The following RPTOR variants were observed in gnomAD, a reference collection of about 807,000 sequenced individuals.
RPTOR encodes the protein regulatory-associated protein of mTOR.
RPTOR carries 21 observed loss-of-function variants against 169.9 expected under a neutral mutation model. That is an observed-to-expected ratio of 0.12 (90% CI 0.09 to 0.18). RPTOR has a LOEUF of 0.18. Among genes scored for constraint, RPTOR ranks in the 10% least tolerant of loss-of-function variants. The pLI is 1.00. For synonymous variants in RPTOR, 732 were observed against 753.2 expected, an observed-to-expected ratio of 0.97 and a Z score of 0.46; for missense variants, 1,133 against 1,855.9, an observed-to-expected ratio of 0.61 and a Z score of 7.16.
At chr17:80,592,496 G>C (rs1035081324) in intron 1 of RPTOR, among the ~76,000 whole-genome samples, 1 of 152,114 alleles carries the variant, frequency 6.6e-6, no homozygotes, top group Non-Finnish European at 1.5e-5. Flanking sequence ...GTGCATCTGG[G>C]AAGGGAACAG....
chr17:80,679,878 T>A (rs2065885420), intron 3 of RPTOR, among the ~76,000 whole-genome samples: 1 of 150,988 alleles, frequency 6.6e-6, no homozygotes. Context: ...GGTTAACAAT[T>A]CCACTCCCAG....
At chr17:80,763,659 A>G (rs2066757207) in intron 6 of RPTOR, among the ~76,000 whole-genome samples, 1 of 152,218 alleles carries the variant, frequency 6.6e-6, no homozygotes, top group Non-Finnish European at 1.5e-5. Flanking sequence ...CCAACAGGGA[A>G]TGTGGACATA....
intron 13 of RPTOR, among the ~76,000 whole-genome samples, chr17:80,869,890 A>C (rs2068033607): frequency 6.6e-6 from 1 of 152,222 alleles, no homozygotes; most frequent in Admixed American, 6.5e-5. Context: ...ATGGGACCAG[A>C]GCTCAAGAGC....
intron 28 of RPTOR, among the ~76,000 whole-genome samples, chr17:80,955,856 C>G (rs1021421140): frequency 6.6e-6 from 1 of 152,138 alleles, no homozygotes; most frequent in East Asian, 1.9e-4. Flanking sequence ...CTTCTCCACC[C>G]GCAAGGACAC....
chr17:80,555,363 C>G (rs1343082767), intron 1 of RPTOR, among the ~76,000 whole-genome samples: 1 of 152,150 alleles, frequency 6.6e-6, no homozygotes, highest in Non-Finnish European at 1.5e-5. Flanking sequence ...AGCCCTCCAT[C>G]AGGTCCTTCT....
chr17:80,620,459 A>T (rs2065346007), intron 1 of RPTOR, among the ~76,000 whole-genome samples: 1 of 152,212 alleles, frequency 6.6e-6, no homozygotes, highest in Admixed American at 6.5e-5. Context: ...TATAGCTAAG[A>T]ATTTAAAAAC....
Position 80,883,415 on chromosome 17 carries a change from C to T in RPTOR, c.1585-4C>T, listed in dbSNP as rs1197657247. On this transcript the variant is annotated splice_region_variant and splice_polypyrimidine_tract_variant and intron_variant, in intron 14 of 33. Coordinates refer to ENST00000306801, the MANE Select transcript of RPTOR (RefSeq NM_020761.3). ...GACGACCAGGACTGGTTTTTGTTTT[C>T]CAGGCTGAACACCGGACCATGACGG... is the stretch of plus-strand genomic sequence containing the variant. 3.1e-6 allele frequency: 5 copies of T among 1,614,044 alleles called. No homozygotes were observed. Among genetic ancestry groups the T allele is most frequent in the Non-Finnish European group, 4.2e-6 (5 of 1,179,950 alleles).
chr17:80,877,280 C>T (rs1253827347), intron 13 of RPTOR, among the ~76,000 whole-genome samples: 5 of 152,142 alleles, frequency 3.3e-5, no homozygotes, highest in Admixed American at 6.5e-5. Flanking sequence ...TTCCTGCCTG[C>T]GGGGAGGGTG....
rs906330600 is a variant in RPTOR at position 80,733,890 on chromosome 17, T to C, written c.654+3184T>C. Among the ~76,000 whole-genome samples the C allele has an allele frequency of 2.0e-5, 3 of 152,390 alleles. No individual in the cohort carries two copies. The South Asian group carries it at 6.2e-4, about 32-fold the overall frequency. Reference sequence around the variant, plus strand: ...ATCCTTATGCTTTTATTTCTAGTTTTATCAGTAATAGCTCATTTCTTCCAT... The same window carrying C: ...ATCCTTATGCTTTTATTTCTAGTTTCATCAGTAATAGCTCATTTCTTCCAT... On this transcript the variant is annotated intron_variant, in intron 5 of 33. Transcript: ENST00000306801.
chr17:80,863,252 C>T lies in RPTOR; in HGVS notation c.1509+5352C>T, dbSNP rs114887437. Among the ~76,000 whole-genome samples, 662 of 152,264 alleles carry T rather than the reference C, an allele frequency of 4.3e-3. 4 individuals carry two copies. Among genetic ancestry groups the T allele is most frequent in the African/African-American group, 0.015 (615 of 41,524 alleles). On this transcript the variant is annotated intron_variant, in intron 13 of 33. Transcript: ENST00000306801. ...ACCAAGGGGGGCACATGAAGAAAGC[C>T]GTCTGTCCAGGATTCTCCCAGGACT...
chr17:80,623,256 T>C (rs1463380782), intron 1 of RPTOR, among the ~76,000 whole-genome samples: 1 of 152,204 alleles, frequency 6.6e-6, no homozygotes, highest in East Asian at 1.9e-4. Flanking sequence ...TTAGATAATA[T>C]AGCTGTATAC....
rs2084265411 is a variant in RPTOR at position 80,545,634 on chromosome 17, A to T, written c.5A>T (p.Glu2Val). 6.2e-7 allele frequency: 1 copy of T among 1,610,234 alleles called. No individual in the cohort carries two copies. Among genetic ancestry groups the T allele is most frequent in the Admixed American group, 1.7e-5 (1 of 59,468 alleles). The change falls in exon 1 of 34, where the codon GAG becomes GTG. Residue 2 changes from glutamate (E) to valine (V), a missense_variant. Coordinates refer to ENST00000306801, the MANE Select transcript of RPTOR (RefSeq NM_020761.3). ...CCCCCACCCCCTCCCCCACTGATGGAGTCCGAAATGCTGCAATCGCCTCTT... is the reference window on the plus strand; with the variant it reads ...CCCCCACCCCCTCCCCCACTGATGGTGTCCGAAATGCTGCAATCGCCTCTT... MESEMLQSPLLG... is the reference protein window; with the variant it reads MVSEMLQSPLLG...
rs1190384884 is a variant in RPTOR, at chr17:80,685,619, A to T, written c.349-22222A>T. 1.1e-3 allele frequency among the ~76,000 whole-genome samples: 15 copies of T among 13,416 alleles called. 1 individual carries two copies. The highest frequency in any genetic ancestry group is 4.5e-3 in the South Asian group (1 of 222). The allele number at this position is 13,416 out of a possible 152,430, so 8.8% of individuals were successfully genotyped here. ...GCCATTTCCATATATATATATATAT[A>T]TATATATATTTTTTTTTTTTTTTTT... On this transcript the variant is annotated intron_variant, in intron 3 of 33. Transcript: ENST00000306801.
intron 6 of RPTOR, among the ~76,000 whole-genome samples, chr17:80,758,008 A>G (rs2066698392): frequency 6.6e-6 from 1 of 152,180 alleles, no homozygotes; most frequent in Non-Finnish European, 1.5e-5. Flanking sequence ...TCATCCATTC[A>G]TTGCCCAAAA....
At chr17:80,872,629 C>T (rs1340156944) in intron 13 of RPTOR, among the ~76,000 whole-genome samples, 1 of 152,154 alleles carries the variant, frequency 6.6e-6, no homozygotes, top group Non-Finnish European at 1.5e-5. Context: ...CAGCTGCCTC[C>T]GGGTTGCCAA....
rs375250556 is a variant in RPTOR, at chr17:80,567,316, A to G, written c.162+21525A>G. ...TATTTTTTTTTTTGGTGGTGGTTCT[A>G]AGATTTTCAATATTACATCTTTAAG... On this transcript the variant is annotated intron_variant, in intron 1 of 33. Coordinates refer to ENST00000306801, the MANE Select transcript of RPTOR (RefSeq NM_020761.3). Among the ~76,000 whole-genome samples the G allele has an allele frequency of 2.0e-5, 3 of 151,262 alleles. No individual in the cohort carries two copies. In the East Asian group the frequency reaches 5.8e-4, roughly 29 times the overall value.
At chr17:80,832,481 C>T (rs890146762) in intron 9 of RPTOR, among the ~76,000 whole-genome samples, 18 of 152,218 alleles carry the variant, frequency 1.2e-4, no homozygotes, top group African/African-American at 4.1e-4. Context: ...GGAATGTGGC[C>T]TCCACCTTGA....
intron 4 of RPTOR, among the ~76,000 whole-genome samples, chr17:80,720,245 C>T (rs191956144): frequency 4.0e-5 from 6 of 151,636 alleles, no homozygotes; most frequent in East Asian, 3.9e-4. Flanking sequence ...TGCAGTGAGC[C>T]GAGACCGTGC....
chr17:80,560,987 TAAG>T (rs2084479609), intron 1 of RPTOR, among the ~76,000 whole-genome samples: 1 of 152,180 alleles, frequency 6.6e-6, no homozygotes, highest in Non-Finnish European at 1.5e-5. Flanking sequence ...GACCGGCTTA[TAAG>T]GCCACAGGAA....
Sources: gnomAD v4.1 joint callset for allele counts (sites outside exome capture counted in the v4.1 genomes callset) on GRCh38, gnomAD v4.1.1 for gene constraint, MANE v1.5 for transcripts, NCBI Gene and HGNC (gene_info 2026-07-23, HGNC 2026-07-21) for gene names.